The following USP35 variants were observed in gnomAD, a reference collection of about 807,000 sequenced individuals.
USP35 encodes ubiquitin carboxyl-terminal hydrolase 35.
In USP35, 69 loss-of-function variants were observed where a neutral mutation model predicts 83.8. That is an observed-to-expected ratio of 0.82 (90% CI 0.68 to 1.01). The LOEUF (loss-of-function observed/expected upper bound fraction) is 1.01. USP35 is among the 50% of genes least tolerant of loss of function. The pLI is 0.00. For missense variants in USP35, 1,503 were observed against 1,362.5 expected (o/e 1.10, Z -1.62); for synonymous variants, 714 against 589.5 (o/e 1.21, Z -3.06).
Position 78,210,741 on chromosome 11 carries a change from A to C in USP35, c.2886A>C (p.Leu962=). The C allele has an allele frequency of 6.5e-7, 1 of 1,543,530 alleles. No individual in the cohort carries two copies. The change falls in exon 10 of 11, where the codon CTA becomes CTC. Residue 962 remains leucine (L), a synonymous_variant. Coordinates refer to ENST00000529308, the MANE Select transcript of USP35 (RefSeq NM_020798.4). Reference sequence around the variant, plus strand: ...TTTCCAAAGACAACATCCTTTACCTACAGGTGAGCTGAGCCGTGGGGCCTT... The same window carrying C: ...TTTCCAAAGACAACATCCTTTACCTCCAGGTGAGCTGAGCCGTGGGGCCTT... The part of the protein sequence containing the change: ...EAISKDNILY[L]QEQEKEARSR...
downstream of USP35, chr11:78,218,195 ACCCCACTGCAGAGT>A (rs1450519628): frequency 6.5e-6 from 1 of 152,990 alleles, no homozygotes; most frequent in Non-Finnish European, 1.5e-5. Flanking sequence ...TCACTTCCCG[ACCCCACTGCAGAGT>A]CCCCTGCACT....
Position 78,200,177 on chromosome 11 carries a change from G to T in USP35, c.981G>T (p.Leu327Phe), listed in dbSNP as rs371278103. 6 of 1,614,202 alleles carry T rather than the reference G, an allele frequency of 3.7e-6. No homozygotes were observed. Among genetic ancestry groups the T allele is most frequent in the Non-Finnish European group, 4.2e-6 (5 of 1,180,026 alleles). Residue 327 changes from leucine (L) to phenylalanine (F), a missense_variant, in exon 5 of 11, where the codon TTG becomes TTT. Physicochemically the swap from Leu to Phe is conservative, Grantham distance 22. Coordinates refer to ENST00000529308, the MANE Select transcript of USP35 (RefSeq NM_020798.4). Reference protein sequence around the residue: ...LLYPIVRGAALSVLKYMLLTF... With the variant: ...LLYPIVRGAAFSVLKYMLLTF... ...ACCCCATCGTCCGGGGAGCTGCCTT[G>T]TCTGTGCTCAAGTACATGCTCCTGA...
intron 3 of USP35, 37 bp downstream of exon 3, chr11:78,198,105 G>T: frequency 6.2e-7 from 1 of 1,612,548 alleles, no homozygotes. Flanking sequence ...CAGGGCTGGG[G>T]CCCCTCCCTC....
rs767208592 is a variant in USP35 at position 78,210,671 on chromosome 11, G to C, written c.2816G>C (p.Arg939Thr). 1 of 1,612,232 alleles carries C rather than the reference G, an allele frequency of 6.2e-7. No individual in the cohort carries two copies. Among genetic ancestry groups the C allele is most frequent in the Non-Finnish European group, 8.5e-7 (1 of 1,178,922 alleles). The stretch of plus-strand genomic sequence containing the variant: ...CCCGAGGCTGAGTTGGGCTCTTCTA[G>C]AGTCCGGACAGAGCCCACCCTGCAC... ...EGPEAELGSS[R>T]VRTEPTLHKD... Residue 939 changes from arginine (R) to threonine (T), a missense_variant, in exon 10 of 11, where the codon AGA (arginine) becomes ACA (threonine). Transcript: ENST00000529308.
In USP35 at chr11:78,210,084, T is replaced by A; in HGVS notation, c.2229T>A (p.Asp743Glu). Residue 743 changes from aspartate to glutamate, a missense_variant, in exon 10 of 11, where the codon GAT becomes GAA. Asp to Glu is a conservative substitution (Grantham distance 45). Transcript: ENST00000529308. ...EDSLGAGTHP[D>E]AAIPSGERTC... ...GCCTGGGAGCGGGGACCCACCCGGATGCTGCCATCCCCTCCGGGGAGCGGA... is the reference window on the plus strand; with the variant it reads ...GCCTGGGAGCGGGGACCCACCCGGAAGCTGCCATCCCCTCCGGGGAGCGGA... 6.2e-7 allele frequency: 1 copy of A among 1,613,986 alleles called. No homozygotes were observed. Among genetic ancestry groups the A allele is most frequent in the East Asian group, 2.2e-5 (1 of 44,870 alleles).
rs1432579433 is a variant in USP35, at chr11:78,209,473, A to C, written c.1618A>C (p.Thr540Pro). The change falls in exon 10 of 11, where the codon ACA becomes CCA. Residue 540 changes from threonine (T) to proline (P), a missense_variant. Transcript: ENST00000529308. Reference protein sequence around the residue: ...DRLHEEEKTGTRICQKLKQSS... With the variant: ...DRLHEEEKTGPRICQKLKQSS... ...GCTGCACGAAGAGGAGAAAACGGGC[A>C]CAAGGATCTGCCAGAAACTCAAGCA... 6.2e-7 allele frequency: 1 copy of C among 1,610,540 alleles called. No individual in the cohort carries two copies. The highest frequency in any genetic ancestry group is 1.1e-5 in the South Asian group (1 of 90,736).
the USP35 span, among the ~76,000 whole-genome samples, chr11:78,231,344 T>G: frequency 4.0e-4 from 61 of 151,492 alleles, no homozygotes; most frequent in African/African-American, 1.4e-3. Flanking sequence ...GTGGTGTGTG[T>G]GTGTGTGTGT....
At chr11:78,194,374 G>A (rs1490158342) in intron 1 of USP35, among the ~76,000 whole-genome samples, 1 of 152,190 alleles carries the variant, frequency 6.6e-6, no homozygotes, top group Admixed American at 6.5e-5. Context: ...CAGAATATCT[G>A]TGATTCTGAA....
rs1317690430 is a variant in USP35 at position 78,214,968 on chromosome 11, C to G, written c.*1155C>G. Among the ~76,000 whole-genome samples the G allele has an allele frequency of 6.6e-6, 1 of 152,150 alleles. No homozygotes were observed. Among genetic ancestry groups the G allele is most frequent in the Non-Finnish European group, 1.5e-5 (1 of 68,026 alleles). ...GCAGCTCTCAAGCCTTTACCTACCT[C>G]CTTCCCCAGGGGCTGCCTGCTGTGA... On this transcript the variant is annotated 3_prime_UTR_variant, in exon 11 of 11. Transcript: ENST00000529308.
Position 78,196,801 on chromosome 11 carries a change from G to C in USP35, c.556G>C (p.Val186Leu). 3.3e-6 allele frequency: 5 copies of C among 1,534,418 alleles called. No individual in the cohort carries two copies. Among genetic ancestry groups the C allele is most frequent in the Non-Finnish European group, 4.4e-6 (5 of 1,145,906 alleles). The change falls in exon 2 of 11, where the codon GTG (valine) becomes CTG (leucine). Residue 186 changes from valine (V) to leucine (L), a missense_variant. By Grantham distance (32) the Val-to-Leu change is conservative (BLOSUM62 1). Transcript: ENST00000529308. This position sits in a 1 kb window ranked among gnomAD's most constrained non-coding sequence, Gnocchi z 4.8. ...RCPAEGEEGAVEFLEQAQQVS... is the reference protein window; with the variant it reads ...RCPAEGEEGALEFLEQAQQVS... ...CCCAGCCGAAGGCGAGGAGGGCGCC[G>C]TGGAGTTCCTAGAGCAGGCCCAGCA... is the stretch of plus-strand genomic sequence containing the variant.
rs953297749 is a variant in USP35, at chr11:78,206,045, G to A, written c.1391+10G>A. 4.4e-6 allele frequency: 7 copies of A among 1,603,474 alleles called. No individual in the cohort carries two copies. Among genetic ancestry groups the A allele is most frequent in the Middle Eastern group, 3.3e-4 (2 of 6,026 alleles). On this transcript the variant is annotated intron_variant, in intron 7 of 10. Coordinates refer to ENST00000529308, the MANE Select transcript of USP35 (RefSeq NM_020798.4). ...TATTCATGGCGTCTGAGTAGGTGCT[G>A]CTTTGGAATTCCCTGTCTGCCCTTG...
chr11:78,220,451 CGAG>C, the USP35 span: 2 of 1,556,930 alleles, frequency 1.3e-6, no homozygotes, highest in Non-Finnish European at 1.7e-6. Context: ...TTTGCTGTCA[CGAG>C]GAGGAAAAAA....
intron 6 of USP35, among the ~76,000 whole-genome samples, chr11:78,201,031 A>G (rs1407047555): frequency 1.3e-5 from 2 of 152,208 alleles, no homozygotes; most frequent in African/African-American, 4.8e-5. Context: ...TTTTGCACAC[A>G]CTGTGCTTTC....
rs1404351294 is a variant in USP35 at position 78,209,660 on chromosome 11, C to T, written c.1805C>T (p.Pro602Leu). Residue 602 changes from proline to leucine, a missense_variant, in exon 10 of 11, where the codon CCT (proline) becomes CTT (leucine). By Grantham distance (98) the Pro-to-Leu change is moderately conservative. Coordinates refer to ENST00000529308, the MANE Select transcript of USP35 (RefSeq NM_020798.4). ...AFTDLSLAFP[P>L]PERCRRRRLG... ...ACGGACCTCTCTCTCGCCTTCCCTC[C>T]TCCTGAGCGCTGTCGCCGCCGCCGC... The T allele has an allele frequency of 5.0e-6, 8 of 1,613,952 alleles. No homozygotes were observed. Among genetic ancestry groups the T allele is most frequent in the Admixed American group, 1.7e-5 (1 of 59,998 alleles).
At chr11:78,225,169 C>T in the USP35 span, 4,767 of 1,613,282 alleles carry the variant, frequency 3.0e-3, 123 homozygotes, top group African/African-American at 0.055. Flanking sequence ...CTCTCCACCA[C>T]GCTGTGGGTA....
At chr11:78,200,290 G>A (rs1863308548) in intron 5 of USP35, 56 bp downstream of exon 5, 1 of 1,562,182 alleles carries the variant, frequency 6.4e-7, no homozygotes, top group South Asian at 1.1e-5. Context: ...CCCCTGGTAA[G>A]GGCCCTGCCT....
intron 1 of USP35, among the ~76,000 whole-genome samples, chr11:78,195,994 C>T (rs1189035396): frequency 6.6e-6 from 1 of 152,212 alleles, no homozygotes; most frequent in African/African-American, 2.4e-5. Flanking sequence ...TCCCAAAGTG[C>T]TGGGATTACA....
chr11:78,199,870 C>T (rs1863286318), intron 4 of USP35, 146 bp downstream of exon 4: 2 of 1,331,544 alleles, frequency 1.5e-6, no homozygotes, highest in South Asian at 2.7e-5. Context: ...CTCTCTGGGC[C>T]TCAGATTCTC....
intron 1 of USP35, among the ~76,000 whole-genome samples, chr11:78,193,999 T>G (rs1396425420): frequency 6.7e-6 from 1 of 150,370 alleles, no homozygotes; most frequent in African/African-American, 2.4e-5. Context: ...CCCAAAGTGT[T>G]GGGACTACAG....
Sources: gnomAD v4.1 joint callset for allele counts (sites outside exome capture counted in the v4.1 genomes callset) on GRCh38, gnomAD v4.1.1 for gene constraint, Gnocchi (gnomAD v3.1) non-coding constraint, MANE v1.5 for transcripts, NCBI Gene and HGNC (gene_info 2026-07-23, HGNC 2026-07-21) for gene names.